Variants in ASAP1 observed in about 807,000 individuals in gnomAD.
ASAP1 encodes the protein ArfGAP with SH3 domain, ankyrin repeat and PH domain 1, also known as arf-GAP with SH3 domain, ANK repeat and PH domain-containing protein 1.
ASAP1 carries 43 observed loss-of-function variants against 145.2 expected under a neutral mutation model. The ratio of observed to expected loss-of-function variants is 0.30; its 90% CI spans 0.23 to 0.38. The LOEUF (loss-of-function observed/expected upper bound fraction) is 0.38. ASAP1 is among the 10% of genes least tolerant of loss of function. ASAP1 has a pLI of 1.00. For missense variants in ASAP1, 1,018 were observed against 1,355.3 expected (o/e 0.75, Z 3.91); for synonymous variants, 546 against 515.5 (o/e 1.06, Z -0.80).
At chr8:130,265,932 T>C (rs978701257) in intron 3 of ASAP1, among the ~76,000 whole-genome samples, 101 of 152,172 alleles carry the variant, frequency 6.6e-4, no homozygotes, top group Non-Finnish European at 1.5e-4. Context: ...CACACAGAAG[T>C]TCTGGATAAA....
At chr8:130,206,494 C>A (rs1311842367) in intron 5 of ASAP1, among the ~76,000 whole-genome samples, 1 of 151,920 alleles carries the variant, frequency 6.6e-6, no homozygotes, top group Non-Finnish European at 1.5e-5. Flanking sequence ...CAATACCCTA[C>A]AGTCAGAGAT....
intron 25 of ASAP1, among the ~76,000 whole-genome samples, chr8:130,082,501 CTTT>C (rs11414704): frequency 1.5e-5 from 2 of 130,664 alleles, no homozygotes; most frequent in African/African-American, 2.8e-5. Flanking sequence ...CACACGTGGC[CTTT>C]TTTTTTTTTT....
intron 15 of ASAP1, among the ~76,000 whole-genome samples, chr8:130,130,949 G>T (rs1438382513): frequency 6.6e-6 from 1 of 152,122 alleles, no homozygotes; most frequent in Non-Finnish European, 1.5e-5. Flanking sequence ...GAGGTCAGGA[G>T]ATCGAGACCA....
At chr8:130,095,339 C>T (rs188131933) in intron 24 of ASAP1, among the ~76,000 whole-genome samples, 94 of 139,126 alleles carry the variant, frequency 6.8e-4, no homozygotes, top group African/African-American at 2.2e-3. Flanking sequence ...TTCACTCTGT[C>T]GCCCAGGCTG....
At chr8:130,278,423 T>C (rs1332182016) in intron 3 of ASAP1, among the ~76,000 whole-genome samples, 1 of 151,816 alleles carries the variant, frequency 6.6e-6, no homozygotes, top group Non-Finnish European at 1.5e-5. Flanking sequence ...AAAAATGAAC[T>C]GCACTTTTTG....
At chr8:130,077,493 T>C (rs2097465470) in intron 26 of ASAP1, among the ~76,000 whole-genome samples, 1 of 150,438 alleles carries the variant, frequency 6.6e-6, no homozygotes, top group Non-Finnish European at 1.5e-5. Context: ...CATCTCTCCA[T>C]TTCTGTCCCC....
intron 3 of ASAP1, among the ~76,000 whole-genome samples, chr8:130,347,953 T>TA (rs886268085): frequency 6.6e-6 from 1 of 152,170 alleles, no homozygotes; most frequent in African/African-American, 2.4e-5. Context: ...AGGGACCTCT[T>TA]ACAATAAAAC....
intron 2 of ASAP1, among the ~76,000 whole-genome samples, chr8:130,397,383 C>T (rs571654874): frequency 2.6e-5 from 4 of 152,254 alleles, no homozygotes; most frequent in African/African-American, 7.2e-5. Context: ...TCAGGTGATC[C>T]GCCAGCCTTC....
At chr8:130,273,883 C>G (rs1301443307) in intron 3 of ASAP1, among the ~76,000 whole-genome samples, 2 of 152,158 alleles carry the variant, frequency 1.3e-5, no homozygotes, top group Non-Finnish European at 1.5e-5. Flanking sequence ...TTAAAAAGCT[C>G]ATCACTTCCT....
At chr8:130,162,324 T>A (rs199755918) in intron 11 of ASAP1, among the ~76,000 whole-genome samples, 1 of 148,796 alleles carries the variant, frequency 6.7e-6, no homozygotes, top group African/African-American at 2.5e-5. Flanking sequence ...GTTGTTTTTT[T>A]AAGAGAGGCA....
At chr8:130,275,783 C>G (rs778405331) in intron 3 of ASAP1, among the ~76,000 whole-genome samples, 1 of 151,976 alleles carries the variant, frequency 6.6e-6, no homozygotes, top group Non-Finnish European at 1.5e-5. Context: ...GAGGCCATAT[C>G]AGAGAAAAGA....
intron 13 of ASAP1, among the ~76,000 whole-genome samples, chr8:130,143,414 T>G (rs1327903136): frequency 2.0e-5 from 3 of 151,344 alleles, no homozygotes; most frequent in Non-Finnish European, 4.4e-5. Flanking sequence ...GATGTCTGTT[T>G]TTTTTTTTTT....
chr8:130,264,357 C>G (rs973237670), intron 3 of ASAP1, among the ~76,000 whole-genome samples: 1 of 152,148 alleles, frequency 6.6e-6, no homozygotes, highest in African/African-American at 2.4e-5. Context: ...GCACTCTGTC[C>G]AGATGGACAC....
At chr8:130,140,135 C>A (rs185458738) in intron 13 of ASAP1, among the ~76,000 whole-genome samples, 1 of 151,026 alleles carries the variant, frequency 6.6e-6, no homozygotes, top group South Asian at 2.1e-4. Context: ...TAGGCTCAAG[C>A]GATCCTCCCA....
intron 18 of ASAP1, among the ~76,000 whole-genome samples, chr8:130,121,089 C>A (rs943395597): frequency 6.6e-6 from 1 of 152,204 alleles, no homozygotes; most frequent in Non-Finnish European, 1.5e-5. Context: ...ATCAGCAAAT[C>A]CTGTTGGCTC....
At chr8:130,223,823 T>C (rs1014596977) in intron 4 of ASAP1, among the ~76,000 whole-genome samples, 12 of 152,050 alleles carry the variant, frequency 7.9e-5, no homozygotes, top group Non-Finnish European at 1.5e-5. Context: ...TCTCCTTCTG[T>C]GTCAAGAGTC....
intron 5 of ASAP1, among the ~76,000 whole-genome samples, chr8:130,210,129 C>T (rs946805854): frequency 1.3e-5 from 2 of 152,130 alleles, no homozygotes; most frequent in African/African-American, 4.8e-5. Context: ...TTTCCCAATA[C>T]AGATCTGTAT....
At position 130,358,548 on chromosome 8, in the gene ASAP1, C is replaced by T. The variant is rs1159045453; in HGVS notation, c.60-405G>A. On this transcript the variant is annotated intron_variant, in intron 2 of 29. Coordinates refer to ENST00000518721, the MANE Select transcript of ASAP1 (RefSeq NM_018482.4). The surrounding 1 kb of genome is among the most constrained non-coding windows in gnomAD (Gnocchi z 4.1). ...GGCTGGGCGGCTGGGGCGCCCGGCG[C>T]TGCCTCCTCAGACGCGCTGACAGGC... Among the ~76,000 whole-genome samples, 1 of 147,388 alleles carries T rather than the reference C, an allele frequency of 6.8e-6. No individual in the cohort carries two copies. The highest frequency in any genetic ancestry group is 2.5e-5 in the African/African-American group (1 of 40,808).
intron 27 of ASAP1, among the ~76,000 whole-genome samples, chr8:130,074,488 G>C (rs538772703): frequency 0.012 from 1,574 of 129,366 alleles, 32 homozygotes; most frequent in African/African-American, 0.031. Flanking sequence ...CACACACACA[G>C]AGAGAACGAG....
Sources: allele counts gnomAD v4.1 joint callset (sites outside exome capture counted in the v4.1 genomes callset), GRCh38; gene constraint gnomAD v4.1.1; non-coding constraint Gnocchi (gnomAD v3.1); transcripts MANE v1.5; gene names NCBI Gene and HGNC (gene_info 2026-07-23, HGNC 2026-07-21).